The following CCDC40 variants were observed in gnomAD, a reference collection of about 807,000 sequenced individuals.
CCDC40 encodes the protein coiled-coil domain-containing protein 40.
In CCDC40, 104 loss-of-function variants were observed where a neutral mutation model predicts 124.5. That is an observed-to-expected ratio of 0.84 (90% CI 0.71 to 0.98). CCDC40 has a LOEUF of 0.98. CCDC40 is among the 50% of genes least tolerant of loss of function. The probability of loss-of-function intolerance (pLI) is 0.00; values close to 1 mark genes in which losing one functional copy is unlikely to be tolerated. For synonymous variants in CCDC40, 580 were observed against 602.9 expected (o/e 0.96, Z 0.56); for missense variants, 1,463 against 1,503.9 (o/e 0.97, Z 0.45).
chr17:80,045,841 C>CAA (rs34444191), intron 3 of CCDC40, among the ~76,000 whole-genome samples: 3 of 133,148 alleles, frequency 2.3e-5, no homozygotes, highest in Non-Finnish European at 3.3e-5. Context: ...CATAACCTTT[C>CAA]AAAAAAAAAA....
chr17:80,068,963 T>C (rs1327301084), intron 10 of CCDC40, among the ~76,000 whole-genome samples: 2 of 152,218 alleles, frequency 1.3e-5, no homozygotes, highest in Non-Finnish European at 2.9e-5. Flanking sequence ...CCTGTCTGCT[T>C]CCTGCTTCTT....
intron 10 of CCDC40, among the ~76,000 whole-genome samples, chr17:80,080,894 AT>A (rs1323479217): frequency 6.6e-6 from 1 of 152,198 alleles, no homozygotes; most frequent in Non-Finnish European, 1.5e-5. Context: ...GTTAGTGTAT[AT>A]TTCTGAATAG....
At chr17:80,081,401 A>C (rs2143733378) in intron 10 of CCDC40, 145 bp from the exon 11 acceptor site, 1 of 564,884 alleles carries the variant, frequency 1.8e-6, no homozygotes, top group East Asian at 3.2e-5. Flanking sequence ...TAAATAAATA[A>C]ATAAATAAAT....
At chr17:80,044,716 A>AATATATATATAT (rs10582928) in intron 3 of CCDC40, among the ~76,000 whole-genome samples, 1 of 131,750 alleles carries the variant, frequency 7.6e-6, no homozygotes, top group African/African-American at 3.3e-5. Flanking sequence ...CAAAAAAAAA[A>AATATATATATAT]ATATATATAT....
At chr17:80,045,947 G>A (rs925790117) in intron 3 of CCDC40, among the ~76,000 whole-genome samples, 1 of 151,612 alleles carries the variant, frequency 6.6e-6, no homozygotes, top group African/African-American at 2.4e-5. Flanking sequence ...GAGAATTATC[G>A]CAAAACAATT....
chr17:80,083,411 T>C (rs927432432), intron 12 of CCDC40, among the ~76,000 whole-genome samples: 1 of 152,074 alleles, frequency 6.6e-6, no homozygotes, highest in Non-Finnish European at 1.5e-5. Context: ...GTGAGAGACA[T>C]GGAGCCCACA....
intron 5 of CCDC40, among the ~76,000 whole-genome samples, chr17:80,048,990 C>T (rs764856086): frequency 5.3e-5 from 8 of 152,138 alleles, no homozygotes; most frequent in African/African-American, 1.7e-4. Context: ...ACCACTGCCC[C>T]GTGGGGCCGG....
rs888441293 is a variant in CCDC40 at position 80,058,716 on chromosome 17, G to A, written c.1317+65G>A. ...CCGTGGAGCTTCAAAAAGGGGCTCA[G>A]CTTTGCCTCCTGCGTGAAGGCTTCC... On this transcript the variant is annotated intron_variant, in intron 8 of 19. Transcript: ENST00000397545. This position sits in a 1 kb window ranked among gnomAD's most constrained non-coding sequence, Gnocchi z 4.2. 1 of 1,607,292 alleles carries A rather than the reference G, an allele frequency of 6.2e-7. No individual in the cohort carries two copies. The highest frequency in any genetic ancestry group is 8.5e-7 in the Non-Finnish European group (1 of 1,174,112).
intron 2 of CCDC40, among the ~76,000 whole-genome samples, chr17:80,039,482 G>A (rs2037217064): frequency 6.6e-6 from 1 of 151,158 alleles, no homozygotes; most frequent in Admixed American, 6.6e-5. Context: ...CACGATCTCA[G>A]CTCACTGCAA....
At chr17:80,079,862 T>G (rs2038406575) in intron 10 of CCDC40, among the ~76,000 whole-genome samples, 2 of 150,098 alleles carry the variant, frequency 1.3e-5, no homozygotes, top group Admixed American at 1.3e-4. Context: ...ACCCAGGAGG[T>G]TGCAGTCAGC....
At chr17:80,037,397 T>C (rs2037108492) in intron 1 of CCDC40, among the ~76,000 whole-genome samples, 1 of 152,126 alleles carries the variant, frequency 6.6e-6, no homozygotes, top group Non-Finnish European at 1.5e-5. Context: ...CGGTATTGTT[T>C]CATTTTTTTA....
Position 80,087,810 on chromosome 17 carries a change from G to A in CCDC40, c.2619+34G>A. 2 of 1,604,826 alleles carry A rather than the reference G, an allele frequency of 1.2e-6. 1 individual carries two copies. The highest frequency in any genetic ancestry group is 2.2e-5 in the South Asian group (2 of 90,898). On this transcript the variant is annotated intron_variant, in intron 15 of 19. Coordinates refer to ENST00000397545, the MANE Select transcript of CCDC40 (RefSeq NM_017950.4). This position sits in a 1 kb window ranked among gnomAD's most constrained non-coding sequence, Gnocchi z 4.5. ...GTGTCCACGCAGTCCCGGGGCTCAG[G>A]ACGATGGAGGGCGGGGGTACGGTCC...
intron 3 of CCDC40, among the ~76,000 whole-genome samples, chr17:80,041,493 G>A (rs57295574): frequency 0.056 from 8,441 of 150,072 alleles, 288 homozygotes; most frequent in Middle Eastern, 0.11. Flanking sequence ...GGGCGACAGA[G>A]CGAGACTCTG....
intron 10 of CCDC40, among the ~76,000 whole-genome samples, chr17:80,077,202 A>G (rs2038330491): frequency 1.3e-5 from 2 of 152,216 alleles, no homozygotes; most frequent in East Asian, 3.9e-4. Flanking sequence ...AGTATCTCCA[A>G]GGTTCCGGCT....
rs531779224 is a variant in CCDC40, at chr17:80,090,285, C to T, written c.2832+401C>T. 6.9e-6 allele frequency: 9 copies of T among 1,312,146 alleles called. 2 individuals carry two copies. Among genetic ancestry groups the T allele is most frequent in the African/African-American group, 6.1e-5 (4 of 65,636 alleles). 81.3% of individuals were successfully genotyped at this position (1,312,146 alleles called of 1,614,324 possible). On this transcript the variant is annotated intron_variant, in intron 17 of 19. Transcript: ENST00000397545. The stretch of plus-strand genomic sequence containing the variant: ...CGCGCGGGCACGTGCACGAACAACA[C>T]GGGACGCGCGCAGGCACGTGCACGA...
intron 9 of CCDC40, among the ~76,000 whole-genome samples, chr17:80,063,382 G>A (rs2037953701): frequency 6.6e-6 from 1 of 152,138 alleles, no homozygotes; most frequent in African/African-American, 2.4e-5. Context: ...GTGAAAAACT[G>A]GGGTCTAAAT....
intron 19 of CCDC40, 71 bp from the exon 20 acceptor site, chr17:80,099,456 T>G: frequency 6.4e-7 from 1 of 1,558,468 alleles, no homozygotes; most frequent in Non-Finnish European, 8.7e-7. Context: ...GGAATCTGAG[T>G]TTGTGGGGGG....
At chr17:80,096,300 C>T (rs2038808724) in intron 18 of CCDC40, among the ~76,000 whole-genome samples, 1 of 152,178 alleles carries the variant, frequency 6.6e-6, no homozygotes, top group African/African-American at 2.4e-5. Context: ...GAAATGGGTG[C>T]CCACCTCTCA....
chr17:80,048,686 G>C lies in CCDC40; in HGVS notation c.780G>C (p.Glu260Asp). 2.5e-6 allele frequency: 4 copies of C among 1,614,138 alleles called. No individual in the cohort carries two copies. Among genetic ancestry groups the C allele is most frequent in the African/African-American group, 1.3e-5 (1 of 75,058 alleles). ...GCACCGAGGAGGGGGCCATGGCAGA[G>C]AGAGTGGAGTCCGAGGGGAGTGACG... ...QPSTEEGAMA[E>D]RVESEGSDEE... The change falls in exon 5 of 20, where the codon GAG becomes GAC. Residue 260 changes from glutamate to aspartate, a missense_variant. By Grantham distance (45) the Glu-to-Asp change is conservative. Coordinates refer to ENST00000397545, the MANE Select transcript of CCDC40 (RefSeq NM_017950.4).
Sources: gnomAD v4.1 joint callset for allele counts (sites outside exome capture counted in the v4.1 genomes callset) on GRCh38, gnomAD v4.1.1 for gene constraint, Gnocchi (gnomAD v3.1) non-coding constraint, MANE v1.5 for transcripts, NCBI Gene and HGNC (gene_info 2026-07-23, HGNC 2026-07-21) for gene names.